The following SLC7A2 variants were observed in gnomAD, a reference collection of about 807,000 sequenced individuals.
SLC7A2 encodes cationic amino acid transporter 2.
A neutral mutation model predicts 58.9 loss-of-function variants in SLC7A2; 48 were observed. The ratio of observed to expected loss-of-function variants is 0.82; its 90% CI spans 0.65 to 1.04. The LOEUF (loss-of-function observed/expected upper bound fraction) is 1.04. SLC7A2 is among the 50% of genes least tolerant of loss of function. SLC7A2 has a pLI of 0.00. For missense variants in SLC7A2, 1,029 were observed against 818.8 expected, an observed-to-expected ratio of 1.26 and a Z score of -3.13; for synonymous variants, 363 against 314.5, an observed-to-expected ratio of 1.15 and a Z score of -1.63.
chr8:17,534,660 T>G (rs987206737), intron 2 of SLC7A2, among the ~76,000 whole-genome samples: 1 of 151,106 alleles, frequency 6.6e-6, no homozygotes, highest in Admixed American at 6.6e-5. Context: ...TGTTTGCTTT[T>G]TCAGTTTTAG....
At chr8:17,551,263 G>T (rs986785365) in intron 6 of SLC7A2, among the ~76,000 whole-genome samples, 2 of 152,058 alleles carry the variant, frequency 1.3e-5, no homozygotes, top group Admixed American at 6.6e-5. Flanking sequence ...GGATTTTTAC[G>T]TAATAAGAAA....
chr8:17,551,723 G>A lies in SLC7A2; in HGVS notation c.833-41G>A, dbSNP rs775876625. The A allele has an allele frequency of 2.1e-6, 3 of 1,427,078 alleles. No homozygotes were observed. In the Admixed American group the frequency reaches 5.0e-5, roughly 24 times the overall value. The allele number at this position is 1,427,078 out of a possible 1,614,324, so 88.4% of individuals were successfully genotyped here. ...CAATTTAATTTCTTTACCTGTTGAT[G>A]TTTTATTAAGCATACACATCTTTTG... On this transcript the variant is annotated intron_variant, in intron 6 of 12. Transcript: ENST00000494857.
At chr8:17,543,855 CCTT>C (rs10654963) in intron 3 of SLC7A2, 140 bp downstream of exon 3, 507,818 of 698,890 alleles carry the variant, frequency 0.73, 186,930 homozygotes, top group East Asian at 0.88. Context: ...GAAAATGTCT[CCTT>C]CTAATTACAA....
chr8:17,503,899 C>G (rs1380510239), intron 2 of SLC7A2, among the ~76,000 whole-genome samples: 1 of 152,140 alleles, frequency 6.6e-6, no homozygotes, highest in Non-Finnish European at 1.5e-5. Context: ...CTCTTGAGTT[C>G]TGGGGAAACC....
At chr8:17,507,954 C>T (rs1392681933) in intron 2 of SLC7A2, among the ~76,000 whole-genome samples, 1 of 152,026 alleles carries the variant, frequency 6.6e-6, no homozygotes, top group Non-Finnish European at 1.5e-5. Context: ...TATTAAATGG[C>T]ATACTTTTAC....
chr8:17,494,123 TCG>T (rs1482969125), upstream of SLC7A2, among the ~76,000 whole-genome samples: 2 of 152,242 alleles, frequency 1.3e-5, no homozygotes, highest in Non-Finnish European at 1.5e-5. Flanking sequence ...TAGCTTGTCT[TCG>T]CTAAAATAGT....
chr8:17,519,189 A>G (rs1800918014), intron 2 of SLC7A2, among the ~76,000 whole-genome samples: 1 of 152,126 alleles, frequency 6.6e-6, no homozygotes. Context: ...TGGTTTTCTC[A>G]CCTATAAACT....
At chr8:17,549,951 A>G (rs1802367304) in intron 5 of SLC7A2, among the ~76,000 whole-genome samples, 1 of 152,240 alleles carries the variant, frequency 6.6e-6, no homozygotes, top group South Asian at 2.1e-4. Flanking sequence ...AAGAATAAGC[A>G]TCCATGAGAA....
At chr8:17,513,903 T>G (rs1800700531) in intron 2 of SLC7A2, among the ~76,000 whole-genome samples, 1 of 152,298 alleles carries the variant, frequency 6.6e-6, no homozygotes, top group South Asian at 2.1e-4. Flanking sequence ...TGCTCAACAT[T>G]TCTACCTCTA....
intron 2 of SLC7A2, among the ~76,000 whole-genome samples, chr8:17,512,534 G>A (rs776049762): frequency 1.3e-5 from 2 of 152,126 alleles, no homozygotes; most frequent in East Asian, 3.9e-4. Context: ...GTGACAGAGC[G>A]AGACTCCATC....
chr8:17,539,305 TG>T (rs1801808670), intron 2 of SLC7A2, among the ~76,000 whole-genome samples: 1 of 152,050 alleles, frequency 6.6e-6, no homozygotes, highest in Non-Finnish European at 1.5e-5. Context: ...TGCGTAGAAA[TG>T]GTTATACTTA....
chr8:17,530,686 C>T (rs779559535), intron 2 of SLC7A2, among the ~76,000 whole-genome samples: 5 of 151,990 alleles, frequency 3.3e-5, no homozygotes, highest in Admixed American at 6.6e-5. Context: ...GTTTCTCCTG[C>T]CTCAGCCTCT....
rs1803281393 is a variant in SLC7A2, at chr8:17,566,705, T to G, written c.*1559T>G. On this transcript the variant is annotated 3_prime_UTR_variant, in exon 13 of 13. Transcript: ENST00000494857. ...TACATGTAAGATTCTCTAATTGTCA[T>G]ATTTTACTTTTTAGGATTCCCTAAT... is the stretch of plus-strand genomic sequence containing the variant. 6.6e-6 allele frequency: 1 copy of G among 152,200 alleles called. No homozygotes were observed. Among genetic ancestry groups the G allele is most frequent in the African/African-American group, 2.4e-5 (1 of 41,460 alleles). The allele number at this position is 152,200 out of a possible 1,614,324, so 9.4% of individuals were successfully genotyped here.
intron 11 of SLC7A2, 67 bp downstream of exon 11, chr8:17,562,177 AGTATTTTTTTTTTTTT>A: frequency 1.8e-5 from 11 of 601,582 alleles, no homozygotes; most frequent in Non-Finnish European, 2.1e-5. Flanking sequence ...TAGTTTGGTA[AGTATTTTTTTTTTTTT>A]TTTTTTTTTT....
intron 2 of SLC7A2, among the ~76,000 whole-genome samples, chr8:17,533,456 AG>A (rs948081645): frequency 1.6e-4 from 25 of 152,180 alleles, no homozygotes; most frequent in African/African-American, 6.0e-4. Flanking sequence ...CCACAGTTGA[AG>A]GAAAGAATTT....
chr8:17,543,817 T>A, intron 3 of SLC7A2, 102 bp downstream of exon 3: 2 of 1,003,562 alleles, frequency 2.0e-6, no homozygotes, highest in East Asian at 2.6e-5. Flanking sequence ...CATCACTTGA[T>A]GTCTGTGTGT....
chr8:17,567,834 A>T lies in SLC7A2; in HGVS notation c.*2688A>T, dbSNP rs1010606081. ...TGAAATCACTAAACTCTAGTACATT[A>T]TAGCAGGTGCTTTGTAATCTGGAAT... On this transcript the variant is annotated 3_prime_UTR_variant, in exon 13 of 13. Coordinates refer to ENST00000494857, the MANE Select transcript of SLC7A2 (RefSeq NM_001370338.1). 1.1e-4 allele frequency: 17 copies of T among 152,318 alleles called. No homozygotes were observed. Among genetic ancestry groups the T allele is most frequent in the African/African-American group, 4.1e-4 (17 of 41,580 alleles). The allele number at this position is 152,318 out of a possible 1,614,324, so 9.4% of individuals were successfully genotyped here.
intron 2 of SLC7A2, among the ~76,000 whole-genome samples, chr8:17,503,474 CAA>C (rs1430412111): frequency 2.0e-5 from 3 of 152,202 alleles, no homozygotes; most frequent in Non-Finnish European, 4.4e-5. Context: ...TCTGTTCTAG[CAA>C]AGAGTACTTA....
chr8:17,514,932 A>C (rs763009217), intron 2 of SLC7A2, among the ~76,000 whole-genome samples: 8 of 152,234 alleles, frequency 5.3e-5, no homozygotes, highest in Non-Finnish European at 1.0e-4. Flanking sequence ...CCAAGTGGAT[A>C]AAACAGCGTT....
Sources: allele counts gnomAD v4.1 joint callset (sites outside exome capture counted in the v4.1 genomes callset), GRCh38; gene constraint gnomAD v4.1.1; transcripts MANE v1.5; gene names NCBI Gene and HGNC (gene_info 2026-07-23, HGNC 2026-07-21).